The following SOS2 variants were observed in gnomAD, a reference collection of about 807,000 sequenced individuals.
SOS2 encodes the protein son of sevenless homolog 2.
In SOS2, 65 loss-of-function variants were observed where a neutral mutation model predicts 148.2. The observed-to-expected ratio is 0.44, with a 90% CI of 0.36 to 0.54. The LOEUF (loss-of-function observed/expected upper bound fraction) is 0.54. Ranked by LOEUF, SOS2 falls within the 20% of genes least tolerant of loss-of-function variation. The pLI, the probability that SOS2 is intolerant of heterozygous loss-of-function variation, is 0.00. For missense variants in SOS2, 1,341 were observed against 1,590.2 expected (o/e 0.84, Z 2.67); for synonymous variants, 539 against 537.1 (o/e 1.00, Z -0.05).
chr14:50,162,136 C>T (rs533346959), intron 8 of SOS2, among the ~76,000 whole-genome samples: 1 of 151,872 alleles, frequency 6.6e-6, no homozygotes, highest in East Asian at 1.9e-4. Flanking sequence ...ACTGTAAAAA[C>T]CATTCGGACA....
chr14:50,154,520 G>A (rs1328773365), intron 12 of SOS2, among the ~76,000 whole-genome samples: 4 of 152,056 alleles, frequency 2.6e-5, no homozygotes, highest in African/African-American at 9.7e-5. Flanking sequence ...CAGTAAGACA[G>A]GTAAGATAAA....
At chr14:50,150,964 C>T (rs768944040) in intron 13 of SOS2, among the ~76,000 whole-genome samples, 1 of 152,024 alleles carries the variant, frequency 6.6e-6, no homozygotes. Context: ...ACCTCGTGAT[C>T]TGCCTGCCTT....
At position 50,118,334 on chromosome 14, in the gene SOS2, A is replaced by G. The variant is rs906134860; in HGVS notation, c.*10T>C. 4 of 1,604,768 alleles carry G rather than the reference A, an allele frequency of 2.5e-6. No homozygotes were observed. The highest frequency in any genetic ancestry group is 3.4e-6 in the Non-Finnish European group (4 of 1,173,966). ...ACCATTCCAGTGTCAATGACTACATATGGCTAAGGTCATTGGGGAGTTTCT... is the reference window on the plus strand; with the variant it reads ...ACCATTCCAGTGTCAATGACTACATGTGGCTAAGGTCATTGGGGAGTTTCT... On this transcript the variant is annotated 3_prime_UTR_variant, in exon 23 of 23. Coordinates refer to ENST00000216373, the MANE Select transcript of SOS2 (RefSeq NM_006939.4).
intron 14 of SOS2, 53 bp downstream of exon 14, chr14:50,149,955 G>T: frequency 8.2e-7 from 1 of 1,216,874 alleles, no homozygotes; most frequent in Non-Finnish European, 1.2e-6. Context: ...TTGAAAATAG[G>T]TAATGTTCAA....
At chr14:50,210,856 C>T (rs1304571627) in intron 1 of SOS2, among the ~76,000 whole-genome samples, 1 of 152,022 alleles carries the variant, frequency 6.6e-6, no homozygotes, top group East Asian at 1.9e-4. Context: ...ATCCACTCAC[C>T]AGGCAGCAAA....
At chr14:50,168,328 C>T (rs1400778619) in intron 8 of SOS2, among the ~76,000 whole-genome samples, 9 of 152,086 alleles carry the variant, frequency 5.9e-5, no homozygotes, top group Non-Finnish European at 4.4e-5. Context: ...CTCAAGTGAT[C>T]CTCTCATCTC....
intron 21 of SOS2, among the ~76,000 whole-genome samples, chr14:50,126,427 T>C (rs936173387): frequency 6.6e-6 from 1 of 152,170 alleles, no homozygotes; most frequent in African/African-American, 2.4e-5. Flanking sequence ...CTTAGCTGAT[T>C]TGATCATTCC....
intron 2 of SOS2, among the ~76,000 whole-genome samples, chr14:50,201,309 G>T (rs552451405): frequency 6.6e-6 from 1 of 152,092 alleles, no homozygotes; most frequent in African/African-American, 2.4e-5. Context: ...GAGGCAGGTG[G>T]ATCACTTGAG....
intron 21 of SOS2, among the ~76,000 whole-genome samples, chr14:50,123,273 T>C (rs1883577797): frequency 6.6e-6 from 1 of 151,580 alleles, no homozygotes; most frequent in Non-Finnish European, 1.5e-5. Context: ...AGGGGGAGAA[T>C]AAGTGATGAG....
chr14:50,168,215 A>G (rs533420118), intron 8 of SOS2, among the ~76,000 whole-genome samples: 2 of 152,308 alleles, frequency 1.3e-5, no homozygotes, highest in South Asian at 4.1e-4. Flanking sequence ...CCTTAGTAAA[A>G]AAGGACAGAC....
intron 3 of SOS2, 89 bp downstream of exon 3, chr14:50,200,864 C>A: frequency 1.6e-6 from 2 of 1,244,644 alleles, no homozygotes; most frequent in South Asian, 1.3e-5. Context: ...CTAACACAGA[C>A]CATGCTACAT....
intron 8 of SOS2, among the ~76,000 whole-genome samples, chr14:50,168,378 C>T (rs12884880): frequency 0.1 from 15,668 of 152,098 alleles, 1,102 homozygotes; most frequent in Non-Finnish European, 0.16. Flanking sequence ...TGCATTACCA[C>T]GCTCAGCTAA....
Position 50,204,863 on chromosome 14 carries a change from G to A in SOS2, c.88-454C>T, listed in dbSNP as rs1383432699. On this transcript the variant is annotated intron_variant, in intron 1 of 22. Coordinates refer to ENST00000216373, the MANE Select transcript of SOS2 (RefSeq NM_006939.4). ...TTTCACAATAGCACTGTCACCACCA[G>A]CTATGCTAAGCACCCCACCTTTTTT... Among the ~76,000 whole-genome samples the A allele has an allele frequency of 4.7e-5, 7 of 150,164 alleles. No individual in the cohort carries two copies. In the Admixed American group the frequency reaches 4.7e-4, roughly 10 times the overall value.
chr14:50,132,137 T>G (rs182311804), intron 19 of SOS2, among the ~76,000 whole-genome samples: 19 of 152,136 alleles, frequency 1.2e-4, no homozygotes, highest in Non-Finnish European at 2.6e-4. Context: ...GGTTTCCCAG[T>G]ATCATCCTGA....
intron 2 of SOS2, among the ~76,000 whole-genome samples, chr14:50,203,081 C>G (rs116626143): frequency 0.019 from 2,921 of 152,106 alleles, 100 homozygotes; most frequent in African/African-American, 0.067. Flanking sequence ...ACAACTTGGG[C>G]CCAGGAGTTC....
chr14:50,180,508 A>C (rs1486396110), intron 7 of SOS2, 64 bp downstream of exon 7: 3 of 695,692 alleles, frequency 4.3e-6, no homozygotes, highest in African/African-American at 3.8e-5. Flanking sequence ...GAAGGATAAA[A>C]TAGTGAGATA....
chr14:50,224,364 CAT>C lies in SOS2; in HGVS notation c.87+6831_87+6832del, dbSNP rs1270067681. Among the ~76,000 whole-genome samples the C allele has an allele frequency of 4.7e-3, 518 of 109,284 alleles. 8 individuals carry two copies. The highest frequency in any genetic ancestry group is 0.015 in the African/African-American group (421 of 27,608). The allele number at this position is 109,284 out of a possible 152,430, so 71.7% of individuals were successfully genotyped here. A position where few individuals can be genotyped will look rare whatever the true frequency, so the allele number is the denominator to read the frequency against. On this transcript the variant is annotated intron_variant, in intron 1 of 22. Transcript: ENST00000216373. The stretch of plus-strand genomic sequence containing the variant: ...ACACACACACACACACACACACACA[CAT>C]ATATATAAATGGGCTCTGGGGAGGT...
chr14:50,217,880 C>T (rs972254854), intron 1 of SOS2, among the ~76,000 whole-genome samples: 4 of 151,816 alleles, frequency 2.6e-5, no homozygotes, highest in Non-Finnish European at 4.4e-5. Context: ...GGTGTGAACC[C>T]GGAGGCAGAG....
intron 12 of SOS2, among the ~76,000 whole-genome samples, chr14:50,154,813 A>AT (rs1884764017): frequency 6.6e-6 from 1 of 152,212 alleles, no homozygotes; most frequent in South Asian, 2.1e-4. Flanking sequence ...GAGAAGGAAC[A>AT]TAAGGGAACT....
Sources: allele counts gnomAD v4.1 joint callset (sites outside exome capture counted in the v4.1 genomes callset), GRCh38; gene constraint gnomAD v4.1.1; transcripts MANE v1.5; gene names NCBI Gene and HGNC (gene_info 2026-07-23, HGNC 2026-07-21).